The following RIF1 variants were observed in gnomAD, a reference collection of about 807,000 sequenced individuals.
RIF1 encodes the protein replication timing regulatory factor 1, also known as telomere-associated protein RIF1.
RIF1 carries 45 observed loss-of-function variants against 247.1 expected under a neutral mutation model. That is an observed-to-expected ratio of 0.18 (90% CI 0.14 to 0.23). The LOEUF is 0.23. Ranked by LOEUF, RIF1 falls within the 10% of genes least tolerant of loss-of-function variation. RIF1 has a pLI of 1.00. For missense variants in RIF1, 2,967 were observed against 2,862.5 expected (o/e 1.04, Z -0.83); for synonymous variants, 1,087 against 978.8 (o/e 1.11, Z -2.06).
downstream of RIF1, chr2:151,486,803 C>G (rs529015239): frequency 8.6e-5 from 13 of 152,032 alleles, no homozygotes; most frequent in Non-Finnish European, 1.8e-4. Flanking sequence ...CTTAGGTAGC[C>G]AAATAATATA....
rs575852684 is a variant in RIF1, at chr2:151,480,651, C to T, written c.*5580C>T. On this transcript the variant is annotated 3_prime_UTR_variant, in exon 36 of 36. Coordinates refer to ENST00000444746, the MANE Select transcript of RIF1 (RefSeq NM_018151.5). Reference sequence around the variant, plus strand: ...CAGCTTTGTTTCTTAAACGGATAAACAACATATAACTAGGAAGATCATCTT... The same window carrying T: ...CAGCTTTGTTTCTTAAACGGATAAATAACATATAACTAGGAAGATCATCTT... 2.5e-4 allele frequency: 38 copies of T among 152,158 alleles called. 1 individual carries two copies. The highest frequency in any genetic ancestry group is 8.9e-4 in the African/African-American group (37 of 41,530). The allele number at this position is 152,158 out of a possible 1,614,324, so 9.4% of individuals were successfully genotyped here.
chr2:151,487,412 A>G (rs927129256), intron 9 of RIF1, among the ~76,000 whole-genome samples: 3 of 152,248 alleles, frequency 2.0e-5, no homozygotes, highest in South Asian at 2.1e-4. Context: ...AATCACATGC[A>G]TATATTCAAA....
At chr2:151,426,523 C>T (rs1307492096) in intron 8 of RIF1, among the ~76,000 whole-genome samples, 1 of 151,888 alleles carries the variant, frequency 6.6e-6, no homozygotes, top group Non-Finnish European at 1.5e-5. Context: ...CGATCGACTT[C>T]TTTATCTGTG....
chr2:151,506,345 G>A, exon 13 of RIF1: 1 of 970,556 alleles, frequency 1.0e-6, no homozygotes, highest in Non-Finnish European at 1.6e-6. Flanking sequence ...CATGGCTTTT[G>A]TGAAAACAAG....
chr2:151,517,799 G>A, the RIF1 span, among the ~76,000 whole-genome samples: 1 of 152,166 alleles, frequency 6.6e-6, no homozygotes, highest in Non-Finnish European at 1.5e-5. Context: ...TTTTAAAATG[G>A]TACACCTGCA....
rs774434165 is a variant in RIF1 at position 151,437,307 on chromosome 2, C to G, written c.1439C>G (p.Thr480Ser). The G allele has an allele frequency of 1.9e-6, 3 of 1,613,940 alleles. No homozygotes were observed. The highest frequency in any genetic ancestry group is 2.5e-6 in the Non-Finnish European group (3 of 1,179,880). Residue 480 changes from threonine to serine, a missense_variant, in exon 13 of 36, where the codon ACT (threonine) becomes AGT (serine). Transcript: ENST00000444746. ...TCCAAACATGCAAATACACTTATCA[C>G]TGCTGTTCATGATAGCTTTGTTGCA... ...FFSKHANTLI[T>S]AVHDSFVAVG...
Position 151,468,462 on chromosome 2 carries a change from T to C in RIF1, c.6748-12T>C, listed in dbSNP as rs2152520797. On this transcript the variant is annotated splice_polypyrimidine_tract_variant and intron_variant, in intron 31 of 35. Coordinates refer to ENST00000444746, the MANE Select transcript of RIF1 (RefSeq NM_018151.5). ...GTTCTGAGTGTTTTTTTCTCTCCTT[T>C]CTTCTATCTAGCATAATACCACTTC... The C allele has an allele frequency of 5.6e-6, 9 of 1,603,722 alleles. No homozygotes were observed. The East Asian group carries it at 1.8e-4, about 32-fold the overall frequency.
At chr2:151,452,403 T>C (rs1245230367) in intron 21 of RIF1, among the ~76,000 whole-genome samples, 1 of 152,248 alleles carries the variant, frequency 6.6e-6, no homozygotes, top group East Asian at 1.9e-4. Flanking sequence ...TGAAAAATGT[T>C]AGTTGATGTT....
intron 13 of RIF1, among the ~76,000 whole-genome samples, chr2:151,438,326 T>A (rs1691626393): frequency 6.6e-6 from 1 of 151,770 alleles, no homozygotes; most frequent in African/African-American, 2.4e-5. Context: ...CAAAAAAAAA[T>A]AATTAGATGG....
chr2:151,487,046 T>A (rs925272423), downstream of RIF1, among the ~76,000 whole-genome samples: 14 of 151,254 alleles, frequency 9.3e-5, no homozygotes, highest in African/African-American at 3.4e-4. Context: ...TGCATGAAAT[T>A]GTGTGTGTGT....
intron 20 of RIF1, 101 bp downstream of exon 20, chr2:151,446,676 A>ATGTATCACAAC: frequency 2.6e-6 from 3 of 1,153,270 alleles, no homozygotes; most frequent in Non-Finnish European, 3.8e-6. Flanking sequence ...TACTGCCTCT[A>ATGTATCACAAC]TTTATATGTG....
chr2:151,419,940 C>G (rs935278273), intron 6 of RIF1, among the ~76,000 whole-genome samples: 1 of 152,016 alleles, frequency 6.6e-6, no homozygotes, highest in African/African-American at 2.4e-5. Context: ...AACCAATCCC[C>G]CAGGGATACT....
chr2:151,474,000 G>A lies in RIF1; in HGVS notation c.7132G>A (p.Asp2378Asn), dbSNP rs763515045. 1 of 1,598,960 alleles carries A rather than the reference G, an allele frequency of 6.3e-7. No homozygotes were observed. Among genetic ancestry groups the A allele is most frequent in the Non-Finnish European group, 8.6e-7 (1 of 1,168,430 alleles). Residue 2378 changes from aspartate to asparagine, a missense_variant, in exon 35 of 36, where the codon GAT becomes AAT. Asp to Asn is a conservative substitution (Grantham distance 23). Transcript: ENST00000444746. Reference sequence around the variant, plus strand: ...TGGACTAGAAGAGATTCCAGTTTTTGATATTTCTGAAAAAACAGTAAATGG... The same window carrying A: ...TGGACTAGAAGAGATTCCAGTTTTTAATATTTCTGAAAAAACAGTAAATGG... The part of the protein sequence containing the change: ...TRGLEEIPVF[D>N]ISEKTVNGIE...
chr2:151,517,194 A>T, the RIF1 span, among the ~76,000 whole-genome samples: 12 of 152,318 alleles, frequency 7.9e-5, no homozygotes, highest in Admixed American at 1.3e-4. Context: ...TATAAATAAA[A>T]TTTTCTCATC....
chr2:151,495,663 A>AAAG (rs888028574), intron 10 of RIF1, among the ~76,000 whole-genome samples: 1 of 151,526 alleles, frequency 6.6e-6, no homozygotes, highest in African/African-American at 2.4e-5. Context: ...CAGTAAAACT[A>AAAG]AAGAACAACA....
Position 151,428,784 on chromosome 2 carries a change from A to G in RIF1, c.787A>G (p.Thr263Ala), listed in dbSNP as rs781279893. 6.2e-7 allele frequency: 1 copy of G among 1,602,038 alleles called. No individual in the cohort carries two copies. Among genetic ancestry groups the G allele is most frequent in the Non-Finnish European group, 8.6e-7 (1 of 1,169,588 alleles). Residue 263 changes from threonine (T) to alanine (A), a missense_variant and splice_region_variant, in exon 9 of 36, where the codon ACC becomes GCC. Physicochemically the swap from Thr to Ala is moderately conservative, Grantham distance 58. Around this residue, in one of 7 missense-constraint regions of RIF1, gnomAD observed 71 missense variants for 132.9 expected, o/e 0.53. Coordinates refer to ENST00000444746, the MANE Select transcript of RIF1 (RefSeq NM_018151.5). ...WPLFVKLLGR[T>A]LHRSGSFINS... Reference sequence around the variant, plus strand: ...CTTAATGATTTTTTCCCCTTTTTAGACCTTGCATCGAAGTGGGAGTTTCAT... The same window carrying G: ...CTTAATGATTTTTTCCCCTTTTTAGGCCTTGCATCGAAGTGGGAGTTTCAT...
At chr2:151,501,469 CTCTTT>C (rs2153073623) in intron 11 of RIF1, 1 of 1,519,342 alleles carries the variant, frequency 6.6e-7, no homozygotes, top group African/African-American at 1.4e-5. Context: ...TGCTCAAGTT[CTCTTT>C]GTACAATATC....
intron 23 of RIF1, 60 bp from the exon 24 acceptor site, chr2:151,457,701 A>G (rs1347510052): frequency 1.0e-5 from 13 of 1,274,548 alleles, no homozygotes; most frequent in South Asian, 7.5e-5. Flanking sequence ...AAATAGCAAC[A>G]TATATTCTGT....
At chr2:151,416,512 T>TA (rs781175991) in intron 4 of RIF1, 49 bp from the exon 5 acceptor site, 22 of 1,490,908 alleles carry the variant, frequency 1.5e-5, no homozygotes, top group Non-Finnish European at 2.0e-5. Context: ...TTTGAGACTT[T>TA]AAAGAGTATC....
Sources: allele counts gnomAD v4.1 joint callset (sites outside exome capture counted in the v4.1 genomes callset), GRCh38; gene constraint gnomAD v4.1.1; regional missense constraint gnomAD v4.1.1; transcripts MANE v1.5; gene names NCBI Gene and HGNC (gene_info 2026-07-23, HGNC 2026-07-21).